SHF: variants seen among roughly 807,000 people sequenced by gnomAD.
The protein encoded by SHF is SH2 domain-containing adapter protein F.
A neutral mutation model predicts 42.4 loss-of-function variants in SHF; 30 were observed. That is an observed-to-expected ratio of 0.71 (90% CI 0.53 to 0.96). SHF has a LOEUF of 0.96. Ranked by LOEUF, SHF falls within the 40% of genes least tolerant of loss-of-function variation. The pLI, the probability that SHF is intolerant of heterozygous loss-of-function variation, is 0.00. For missense variants in SHF, 598 were observed against 634.0 expected, an observed-to-expected ratio of 0.94 and a Z score of 0.61; for synonymous variants, 264 against 269.9, an observed-to-expected ratio of 0.98 and a Z score of 0.21.
At chr15:45,192,413 G>C (rs1342302831), upstream of SHF, among the ~76,000 whole-genome samples, 1 of 135,080 alleles carries the variant, frequency 7.4e-6, no homozygotes, top group Non-Finnish European at 1.5e-5. Flanking sequence ...TGTCATCCAG[G>C]CTGGAGTGCA....
chr15:45,187,094 A>G (rs1470328758), intron 1 of SHF, among the ~76,000 whole-genome samples: 3 of 152,228 alleles, frequency 2.0e-5, no homozygotes, highest in Admixed American at 2.0e-4. Context: ...AGGGGCAGAA[A>G]GGCCATCAAC....
At position 45,187,445 on chromosome 15, in the gene SHF, G is replaced by C; in HGVS notation, c.498+9C>G. The C allele has an allele frequency of 1.6e-6, 2 of 1,232,122 alleles. No individual in the cohort carries two copies. Among genetic ancestry groups the C allele is most frequent in the Non-Finnish European group, 2.0e-6 (2 of 987,956 alleles). 76.3% of individuals were successfully genotyped at this position (1,232,122 alleles called of 1,614,324 possible). A position where few individuals can be genotyped will look rare whatever the true frequency, so the allele number is the denominator to read the frequency against. On this transcript the variant is annotated intron_variant, in intron 1 of 6. Coordinates refer to ENST00000690270, the MANE Select transcript of SHF (RefSeq NM_001394037.1). ...CCTCCTGGCCATCCCGGCCCGGCGC[G>C]GCACTCACCCTATCGCTGCTGGCGG...
rs1462742221 is a variant in SHF at position 45,173,631 on chromosome 15, C to T, written c.933G>A (p.Arg311=). The T allele has an allele frequency of 4.5e-6, 7 of 1,551,042 alleles. No individual in the cohort carries two copies. Among genetic ancestry groups the T allele is most frequent in the Admixed American group, 2.0e-5 (1 of 50,982 alleles). Reference sequence around the variant, plus strand: ...GGGGCGAGGCTGGACCGGAGATGTCCCTGTCCCCATCAGGCAGGGAGGGGC... The same window carrying T: ...GGGGCGAGGCTGGACCGGAGATGTCTCTGTCCCCATCAGGCAGGGAGGGGC... The part of the protein sequence containing the change: ...DSSPSLPDGD[R]DISGPASPLP... The change falls in exon 4 of 7, where the codon AGG becomes AGA. Residue 311 remains arginine, a synonymous_variant. Coordinates refer to ENST00000690270, the MANE Select transcript of SHF (RefSeq NM_001394037.1).
At chr15:45,195,392 G>C (rs1898833821) in intron 2 of SHF, among the ~76,000 whole-genome samples, 14 of 152,114 alleles carry the variant, frequency 9.2e-5, no homozygotes, top group Admixed American at 9.2e-4. Context: ...TTAAAAGTCA[G>C]CCATGACTTC....
exon 2 of SHF, chr15:45,199,010 C>G (rs772599247): frequency 8.7e-6 from 14 of 1,610,234 alleles, no homozygotes; most frequent in Non-Finnish European, 1.1e-5. Context: ...AGACCCTTGC[C>G]GCGAACCCTC....
At chr15:45,168,498 T>G (rs1298088116) in intron 6 of SHF, among the ~76,000 whole-genome samples, 1 of 152,116 alleles carries the variant, frequency 6.6e-6, no homozygotes, top group Admixed American at 6.5e-5. Flanking sequence ...CAGTTTAACC[T>G]CACCTTTCTT....
Position 45,187,730 on chromosome 15 carries a change from G to A in SHF, c.222C>T (p.Pro74=). The A allele has an allele frequency of 2.0e-6, 2 of 989,662 alleles. No homozygotes were observed. Among genetic ancestry groups the A allele is most frequent in the Non-Finnish European group, 2.6e-6 (2 of 771,274 alleles). The allele number at this position is 989,662 out of a possible 1,614,324, so 61.3% of individuals were successfully genotyped here. ...GGGSKPAPPE[P]DYRPPAPSPA... ...GAGAGGGCGCAGGGGGGCGGTAGTC[G>A]GGCTCGGGGGGCGCCGGCTTGCTGC... Residue 74 remains proline, a synonymous_variant, in exon 1 of 7, where the codon CCC becomes CCT. Coordinates refer to ENST00000690270, the MANE Select transcript of SHF (RefSeq NM_001394037.1).
At chr15:45,175,741 T>C (rs975549772) in intron 2 of SHF, among the ~76,000 whole-genome samples, 1 of 152,228 alleles carries the variant, frequency 6.6e-6, no homozygotes, top group Non-Finnish European at 1.5e-5. Context: ...CCTCCCGTTG[T>C]CCACTTCCTC....
intron 2 of SHF, among the ~76,000 whole-genome samples, chr15:45,197,585 C>T (rs1291776514): frequency 6.6e-6 from 1 of 152,186 alleles, no homozygotes; most frequent in Non-Finnish European, 1.5e-5. Context: ...CCTAACAGAG[C>T]CCAGGCTCCC....
upstream of SHF, among the ~76,000 whole-genome samples, chr15:45,190,836 C>T (rs1898691531): frequency 6.6e-6 from 1 of 152,066 alleles, no homozygotes; most frequent in South Asian, 2.1e-4. Flanking sequence ...AGGGTTTAAA[C>T]AATAATTTTA....
Position 45,175,222 on chromosome 15 carries a change from C to G in SHF, c.844G>C (p.Ala282Pro), listed in dbSNP as rs1407829384. ...TGCCCTCTCCACCAGGACTCACCTG[C>G]AAAGGCTTTGGAAATCCGCTCCTTC... ...WKKERISKAFAVDIKVIKDLP... is the reference protein window; with the variant it reads ...WKKERISKAFPVDIKVIKDLP... Residue 282 changes from alanine to proline, a missense_variant, in exon 3 of 7, where the codon GCA (alanine) becomes CCA (proline). By Grantham distance (27) the Ala-to-Pro change is conservative. Coordinates refer to ENST00000690270, the MANE Select transcript of SHF (RefSeq NM_001394037.1). 2 of 1,608,454 alleles carry G rather than the reference C, an allele frequency of 1.2e-6. No homozygotes were observed. The highest frequency in any genetic ancestry group is 1.7e-6 in the Non-Finnish European group (2 of 1,178,376).
intron 1 of SHF, among the ~76,000 whole-genome samples, chr15:45,178,851 C>G (rs112781542): frequency 0.02 from 3,020 of 152,326 alleles, 98 homozygotes; most frequent in African/African-American, 0.069. Flanking sequence ...TACATCTTTT[C>G]CACTAATTTT....
chr15:45,182,406 T>C (rs1898177615), intron 1 of SHF, among the ~76,000 whole-genome samples: 1 of 152,214 alleles, frequency 6.6e-6, no homozygotes, highest in African/African-American at 2.4e-5. Context: ...AAGAGGAAAA[T>C]GAATTTGTAA....
exon 2 of SHF, chr15:45,198,887 A>C: frequency 6.2e-7 from 1 of 1,613,940 alleles, no homozygotes; most frequent in Non-Finnish European, 8.5e-7. Flanking sequence ...TGATGATGAG[A>C]TGGGCTCCCG....
At chr15:45,177,510 T>C (rs1165363986) in intron 2 of SHF, among the ~76,000 whole-genome samples, 1 of 152,180 alleles carries the variant, frequency 6.6e-6, no homozygotes, top group East Asian at 1.9e-4. Flanking sequence ...TCCAGATACC[T>C]CATTCCAGCC....
intron 2 of SHF, 62 bp downstream of exon 2, chr15:45,178,103 C>A: frequency 6.4e-7 from 1 of 1,555,148 alleles, no homozygotes; most frequent in South Asian, 1.2e-5. Flanking sequence ...ACTTGTGAGT[C>A]GCAAAGCCTG....
At chr15:45,186,428 A>AG (rs1385290217) in intron 1 of SHF, among the ~76,000 whole-genome samples, 2 of 152,248 alleles carry the variant, frequency 1.3e-5, no homozygotes, top group Non-Finnish European at 2.9e-5. Flanking sequence ...GCTGAGGAGA[A>AG]GGGGGCAGGC....
At chr15:45,173,832 GGGCAGAGGCAGA>G in intron 3 of SHF, 116 bp from the exon 4 acceptor site, 20 of 1,192,288 alleles carry the variant, frequency 1.7e-5, no homozygotes, top group Non-Finnish European at 2.2e-5. Context: ...AAATGAGGAG[GGGCAGAGGCAGA>G]GGCAGAGGCA....
chr15:45,188,029 C>T, upstream of SHF: 2 of 346,350 alleles, frequency 5.8e-6, no homozygotes, highest in Non-Finnish European at 9.5e-6. Flanking sequence ...GGGCGGGGCT[C>T]CGCCGGGCGG....
Sources: allele counts gnomAD v4.1 joint callset (sites outside exome capture counted in the v4.1 genomes callset), GRCh38; gene constraint gnomAD v4.1.1; transcripts MANE v1.5; gene names NCBI Gene and HGNC (gene_info 2026-07-23, HGNC 2026-07-21).